CAMK1D: variants seen among roughly 807,000 people sequenced by gnomAD.
CAMK1D encodes calcium/calmodulin dependent protein kinase ID, also known as calcium/calmodulin-dependent protein kinase type 1D.
A neutral mutation model predicts 47.7 loss-of-function variants in CAMK1D; 9 were observed. The ratio of observed to expected loss-of-function variants is 0.19; its 90% CI spans 0.11 to 0.33. CAMK1D has a LOEUF of 0.33. Among genes scored for constraint, CAMK1D ranks in the 10% least tolerant of loss-of-function variants. CAMK1D has a pLI of 1.00. For synonymous variants in CAMK1D, 184 were observed against 184.9 expected (o/e 0.99, Z 0.04); for missense variants, 291 against 488.7 (o/e 0.60, Z 3.81).
chr10:12,752,242 G>A (rs1421780396), intron 3 of CAMK1D, among the ~76,000 whole-genome samples: 2 of 152,116 alleles, frequency 1.3e-5, no homozygotes, highest in Admixed American at 1.3e-4. Flanking sequence ...AGATGATCTG[G>A]GCGGACAGCA....
intron 2 of CAMK1D, among the ~76,000 whole-genome samples, chr10:12,629,602 A>G (rs1453264688): frequency 6.6e-6 from 1 of 152,222 alleles, no homozygotes; most frequent in East Asian, 1.9e-4. Flanking sequence ...GTCATCGCAG[A>G]CAAGGACGTG....
intron 10 of CAMK1D, among the ~76,000 whole-genome samples, chr10:12,827,631 T>TCTCTCCC (rs1253747624): frequency 4.6e-5 from 3 of 65,310 alleles, no homozygotes; most frequent in Admixed American, 2.1e-4. Context: ...TCCTCTCTCC[T>TCTCTCCC]CTCTCCCCTC....
At chr10:12,588,080 T>G (rs868317128) in intron 2 of CAMK1D, among the ~76,000 whole-genome samples, 10 of 152,092 alleles carry the variant, frequency 6.6e-5, no homozygotes, top group African/African-American at 2.4e-4. Flanking sequence ...ATAAAGTAAG[T>G]GAATATTTCC....
At chr10:12,467,014 C>G (rs956495256) in intron 1 of CAMK1D, among the ~76,000 whole-genome samples, 5 of 152,088 alleles carry the variant, frequency 3.3e-5, no homozygotes, top group Non-Finnish European at 7.4e-5. Context: ...ATGTTGCCCT[C>G]GAACTCAGGT....
intron 2 of CAMK1D, among the ~76,000 whole-genome samples, chr10:12,637,818 TGGA>T (rs941580778): frequency 2.0e-5 from 3 of 152,042 alleles, no homozygotes; most frequent in African/African-American, 7.2e-5. Context: ...AACCATATGG[TGGA>T]GAAGGGAAGG....
intron 3 of CAMK1D, among the ~76,000 whole-genome samples, chr10:12,710,152 A>T (rs578193684): frequency 6.6e-6 from 1 of 152,376 alleles, no homozygotes; most frequent in Non-Finnish European, 1.5e-5. Context: ...CTTTCAGAAG[A>T]AAATTAAGTG....
chr10:12,768,359 C>G (rs1286190357), intron 4 of CAMK1D, among the ~76,000 whole-genome samples: 1 of 152,168 alleles, frequency 6.6e-6, no homozygotes, highest in East Asian at 1.9e-4. Flanking sequence ...GATTTATTTT[C>G]CTTTCACACT....
At chr10:12,478,440 TAC>T (rs2132092119) in intron 1 of CAMK1D, among the ~76,000 whole-genome samples, 1 of 152,276 alleles carries the variant, frequency 6.6e-6, no homozygotes, top group African/African-American at 2.4e-5. Flanking sequence ...TACCTGGGAC[TAC>T]AGACATGTAC....
intron 1 of CAMK1D, among the ~76,000 whole-genome samples, chr10:12,545,171 A>G (rs543194780): frequency 1.1e-4 from 2 of 18,812 alleles, no homozygotes; most frequent in African/African-American, 2.4e-4. Flanking sequence ...TTTAAGCCAC[A>G]TTTTTTTCAG....
At chr10:12,783,389 G>A (rs1006514934) in intron 5 of CAMK1D, among the ~76,000 whole-genome samples, 1 of 152,202 alleles carries the variant, frequency 6.6e-6, no homozygotes, top group Non-Finnish European at 1.5e-5. Flanking sequence ...CCGCCCACTG[G>A]AGGGGTCATG....
rs2130948528 is a variant in CAMK1D, at chr10:12,776,121, GA to G, written c.565+6325del. The stretch of plus-strand genomic sequence containing the variant: ...GAGAAGGCTCAGGCATTGATCAGGT[GA>G]AAGGGTTTAGGTCGTATTGGTAGCA... On this transcript the variant is annotated intron_variant, in intron 5 of 10. Coordinates refer to ENST00000619168, the MANE Select transcript of CAMK1D (RefSeq NM_153498.4). 9.2e-3 allele frequency among the ~76,000 whole-genome samples: 2 copies of G among 218 alleles called. 1 individual carries two copies. Among genetic ancestry groups the G allele is most frequent in the South Asian group, 1 (2 of 2 alleles). The allele number at this position is 218 out of a possible 152,430, so 0.1% of individuals were successfully genotyped here. A position where few individuals can be genotyped will look rare whatever the true frequency, so the allele number is the denominator to read the frequency against.
At chr10:12,523,558 C>T (rs1452717864) in intron 1 of CAMK1D, among the ~76,000 whole-genome samples, 1 of 152,096 alleles carries the variant, frequency 6.6e-6, no homozygotes, top group Non-Finnish European at 1.5e-5. Context: ...GCCCGGCCAA[C>T]ACAGCGAAAC....
chr10:12,464,085 C>T (rs1473466746), intron 1 of CAMK1D, among the ~76,000 whole-genome samples: 1 of 152,148 alleles, frequency 6.6e-6, no homozygotes, highest in African/African-American at 2.4e-5. Flanking sequence ...TTCTTTATAA[C>T]AGTATGAAAA....
At chr10:12,461,655 A>C (rs947925471) in intron 1 of CAMK1D, among the ~76,000 whole-genome samples, 5 of 150,124 alleles carry the variant, frequency 3.3e-5, no homozygotes, top group African/African-American at 9.8e-5. Flanking sequence ...TGCTATTGCA[A>C]TCCAGCCTGG....
chr10:12,427,698 C>CTGTTTTTTTTTTTT lies in CAMK1D; in HGVS notation c.92+77790_92+77803dup, dbSNP rs1840283026. ...TACTTTCCTGGCTTCACTGAACTTA[C>CTGTTTTTTTTTTTT]TGTTTTTTTTTTTTTTTTTTTTTTT... On this transcript the variant is annotated intron_variant, in intron 1 of 10. Coordinates refer to ENST00000619168, the MANE Select transcript of CAMK1D (RefSeq NM_153498.4). 1.5e-4 allele frequency among the ~76,000 whole-genome samples: 4 copies of CTGTTTTTTTTTTTT among 27,364 alleles called. 1 individual carries two copies. Among genetic ancestry groups the CTGTTTTTTTTTTTT allele is most frequent in the Non-Finnish European group, 3.3e-4 (4 of 12,032 alleles). 18.0% of individuals were successfully genotyped at this position (27,364 alleles called of 152,430 possible).
intron 3 of CAMK1D, among the ~76,000 whole-genome samples, chr10:12,734,340 AAAAAAATATATATAT>A (rs1256034091): frequency 3.6e-5 from 1 of 27,806 alleles, no homozygotes; most frequent in East Asian, 8.3e-4. Flanking sequence ...AAAAAAAAAA[AAAAAAATATATATAT>A]ATATATATAT....
chr10:12,793,783 C>G (rs1373801973), intron 6 of CAMK1D, among the ~76,000 whole-genome samples: 1 of 152,216 alleles, frequency 6.6e-6, no homozygotes, highest in African/African-American at 2.4e-5. Context: ...AGTGAAAGCA[C>G]AGTTCTTCTA....
At chr10:12,574,995 C>T (rs915662724) in intron 2 of CAMK1D, among the ~76,000 whole-genome samples, 2 of 152,212 alleles carry the variant, frequency 1.3e-5, no homozygotes, top group African/African-American at 4.8e-5. Context: ...AATCACCTCC[C>T]ACCAGGCCCC....
At chr10:12,378,278 A>C (rs915435054) in intron 1 of CAMK1D, among the ~76,000 whole-genome samples, 2 of 151,920 alleles carry the variant, frequency 1.3e-5, no homozygotes, top group Middle Eastern at 3.2e-3. Flanking sequence ...ACAGCGTCTC[A>C]CTCCATTGCC....
Sources: gnomAD v4.1 joint callset for allele counts (sites outside exome capture counted in the v4.1 genomes callset) on GRCh38, gnomAD v4.1.1 for gene constraint, MANE v1.5 for transcripts, NCBI Gene and HGNC (gene_info 2026-07-23, HGNC 2026-07-21) for gene names.